The following ITGBL1 variants were observed in gnomAD, a reference collection of about 807,000 sequenced individuals.
ITGBL1 encodes integrin beta-like protein 1.
ITGBL1 carries 51 observed loss-of-function variants against 68.5 expected under a neutral mutation model. The observed-to-expected ratio is 0.74, with a 90% CI of 0.59 to 0.94. ITGBL1 has a LOEUF of 0.94. Among genes scored for constraint, ITGBL1 ranks in the 40% least tolerant of loss-of-function variants. The pLI, the probability that ITGBL1 is intolerant of heterozygous loss-of-function variation, is 0.00. For synonymous variants in ITGBL1, 209 were observed against 227.3 expected (o/e 0.92, Z 0.72); for missense variants, 649 against 647.4 (o/e 1.00, Z -0.03).
intron 2 of ITGBL1, among the ~76,000 whole-genome samples, chr13:101,551,210 A>G (rs1460806203): frequency 6.6e-6 from 1 of 152,216 alleles, no homozygotes; most frequent in Non-Finnish European, 1.5e-5. Context: ...TGAAAAGCAT[A>G]TTAGTTTATC....
At chr13:101,588,737 G>T (rs1485409266) in intron 6 of ITGBL1, among the ~76,000 whole-genome samples, 2 of 150,142 alleles carry the variant, frequency 1.3e-5, no homozygotes, top group Non-Finnish European at 3.0e-5. Flanking sequence ...CAGTCTAAAG[G>T]GTTTTCATGC....
intron 2 of ITGBL1, among the ~76,000 whole-genome samples, chr13:101,538,771 T>C (rs1253153025): frequency 1.3e-5 from 2 of 152,162 alleles, no homozygotes. Context: ...GAAAATTACA[T>C]GAGAGCAGAG....
chr13:101,687,713 TAATA>T (rs1226781767), intron 7 of ITGBL1, among the ~76,000 whole-genome samples: 1 of 152,144 alleles, frequency 6.6e-6, no homozygotes, highest in African/African-American at 2.4e-5. Flanking sequence ...TATTAAAACT[TAATA>T]AGAGTAGGCA....
Position 101,647,840 on chromosome 13 carries a change from A to G in ITGBL1, c.1016-44745A>G, listed in dbSNP as rs148952915. ...GTTTTTTTCTCCAAAGCATTTGCCA[A>G]TTCAAGAACAGTGAAAGATTAGAGA... On this transcript the variant is annotated intron_variant, in intron 7 of 10. Coordinates refer to ENST00000376180, the MANE Select transcript of ITGBL1 (RefSeq NM_004791.3). Among the ~76,000 whole-genome samples the G allele has an allele frequency of 2.7e-3, 415 of 152,324 alleles. 11 individuals are homozygous for G. The highest frequency in any genetic ancestry group is 0.022 in the Admixed American group (342 of 15,296).
intron 2 of ITGBL1, among the ~76,000 whole-genome samples, chr13:101,545,238 G>A (rs796181005): frequency 8.5e-5 from 13 of 152,082 alleles, no homozygotes; most frequent in East Asian, 1.9e-4. Context: ...ATGAGCTGGC[G>A]GTGTTTTGGA....
chr13:101,701,674 G>C (rs185022482), intron 8 of ITGBL1, among the ~76,000 whole-genome samples: 23 of 152,122 alleles, frequency 1.5e-4, no homozygotes, highest in Admixed American at 5.2e-4. Flanking sequence ...TCTAAAAGGG[G>C]AAAAATTGTC....
intron 7 of ITGBL1, among the ~76,000 whole-genome samples, chr13:101,647,680 T>C (rs1194867785): frequency 6.6e-6 from 1 of 152,048 alleles, no homozygotes. Context: ...GAAGAGAAGA[T>C]GTCAGAACTT....
At chr13:101,682,239 A>G (rs570578255) in intron 7 of ITGBL1, among the ~76,000 whole-genome samples, 115 of 152,286 alleles carry the variant, frequency 7.6e-4, no homozygotes, top group Non-Finnish European at 1.5e-3. Flanking sequence ...TAATAATGCA[A>G]ATGAGGCAAT....
intron 8 of ITGBL1, among the ~76,000 whole-genome samples, chr13:101,700,439 A>G (rs1432582298): frequency 6.6e-6 from 1 of 152,170 alleles, no homozygotes; most frequent in African/African-American, 2.4e-5. Context: ...TTAAGCTTCT[A>G]TCACTTTTCA....
At chr13:101,697,070 C>A (rs1038431694) in intron 8 of ITGBL1, among the ~76,000 whole-genome samples, 6 of 151,550 alleles carry the variant, frequency 4.0e-5, no homozygotes, top group African/African-American at 1.5e-4. Flanking sequence ...AGCTCTTTCT[C>A]AGCTGCTTCT....
At chr13:101,670,825 C>A (rs1008619388) in intron 7 of ITGBL1, among the ~76,000 whole-genome samples, 2 of 151,810 alleles carry the variant, frequency 1.3e-5, no homozygotes. Flanking sequence ...AGAGTGATGC[C>A]AAATCTTTTT....
At chr13:101,652,308 A>AT (rs34531464) in intron 7 of ITGBL1, among the ~76,000 whole-genome samples, 9,756 of 151,852 alleles carry the variant, frequency 0.064, 348 homozygotes, top group East Asian at 0.12. Flanking sequence ...CACCTAGTTA[A>AT]TTTTTTTTAC....
At chr13:101,600,923 G>A (rs1164671956) in intron 7 of ITGBL1, among the ~76,000 whole-genome samples, 1 of 152,110 alleles carries the variant, frequency 6.6e-6, no homozygotes, top group Non-Finnish European at 1.5e-5. Flanking sequence ...TCTCTGCCAG[G>A]CTTTGGTATC....
At chr13:101,620,812 T>A (rs979654644) in intron 7 of ITGBL1, among the ~76,000 whole-genome samples, 1 of 152,170 alleles carries the variant, frequency 6.6e-6, no homozygotes, top group South Asian at 2.1e-4. Context: ...TCCTTCTCAG[T>A]GCCAGAGACT....
At chr13:101,510,025 A>T (rs1219132868) in intron 2 of ITGBL1, among the ~76,000 whole-genome samples, 2 of 152,108 alleles carry the variant, frequency 1.3e-5, no homozygotes, top group Non-Finnish European at 2.9e-5. Flanking sequence ...TACTAGCTTT[A>T]ATTAATTTAT....
intron 7 of ITGBL1, among the ~76,000 whole-genome samples, chr13:101,645,693 C>T (rs929447012): frequency 5.9e-5 from 9 of 152,104 alleles, no homozygotes; most frequent in African/African-American, 1.2e-4. Context: ...AATCTGAATA[C>T]GGGCTCTAAG....
chr13:101,653,239 C>A (rs1402615266), intron 7 of ITGBL1, among the ~76,000 whole-genome samples: 1 of 140,608 alleles, frequency 7.1e-6, no homozygotes, highest in Non-Finnish European at 1.6e-5. Flanking sequence ...GAAATTTGTG[C>A]CATTGACTAA....
intron 2 of ITGBL1, among the ~76,000 whole-genome samples, chr13:101,551,678 T>C (rs910316131): frequency 3.3e-5 from 5 of 152,228 alleles, no homozygotes; most frequent in African/African-American, 1.2e-4. Flanking sequence ...GATTATGTTT[T>C]CTGTTTTTCA....
At chr13:101,684,719 A>T (rs1007659779) in intron 7 of ITGBL1, among the ~76,000 whole-genome samples, 3 of 151,886 alleles carry the variant, frequency 2.0e-5, no homozygotes, top group Non-Finnish European at 4.4e-5. Context: ...CGACAAAGAC[A>T]TCTAGTGCAA....
Sources: allele counts gnomAD v4.1 joint callset (sites outside exome capture counted in the v4.1 genomes callset), GRCh38; gene constraint gnomAD v4.1.1; transcripts MANE v1.5; gene names NCBI Gene and HGNC (gene_info 2026-07-23, HGNC 2026-07-21).